SEC24B: variants seen among roughly 807,000 people sequenced by gnomAD.
SEC24B encodes the protein SEC24 homolog B, COPII component.
A neutral mutation model predicts 142.8 loss-of-function variants in SEC24B; 45 were observed. The ratio of observed to expected loss-of-function variants is 0.32; its 90% CI spans 0.25 to 0.40. The LOEUF (loss-of-function observed/expected upper bound fraction) is 0.40. SEC24B is among the 10% of genes least tolerant of loss of function. The pLI is 1.00. For missense variants in SEC24B, 1,409 were observed against 1,526.8 expected (o/e 0.92, Z 1.29); for synonymous variants, 574 against 568.2 (o/e 1.01, Z -0.15).
chr4:109,512,151 T>G, intron 9 of SEC24B, 68 bp downstream of exon 9: 1 of 1,356,194 alleles, frequency 7.4e-7, no homozygotes, highest in Non-Finnish European at 1.0e-6. Context: ...ATTTTTGTCA[T>G]CTCCTGGTTT....
intron 4 of SEC24B, among the ~76,000 whole-genome samples, chr4:109,482,967 T>TACACAC (rs1432755826): frequency 5.0e-5 from 3 of 59,912 alleles, no homozygotes; most frequent in African/African-American, 3.1e-4. Context: ...TATATATATA[T>TACACAC]ATATATATAT....
At chr4:109,464,103 T>C (rs1257767769) in intron 2 of SEC24B, among the ~76,000 whole-genome samples, 1 of 152,176 alleles carries the variant, frequency 6.6e-6, no homozygotes, top group Non-Finnish European at 1.5e-5. Context: ...TTAGTGACTT[T>C]TGCAGAAGAC....
intron 17 of SEC24B, among the ~76,000 whole-genome samples, chr4:109,526,722 A>G (rs1300099174): frequency 6.6e-6 from 1 of 152,154 alleles, no homozygotes; most frequent in Non-Finnish European, 1.5e-5. Context: ...TAAGGCCTTC[A>G]TTTGTTACTT....
At chr4:109,445,967 C>CT (rs34601695) in intron 1 of SEC24B, among the ~76,000 whole-genome samples, 5,994 of 130,908 alleles carry the variant, frequency 0.046, 287 homozygotes, top group Admixed American at 0.12. Context: ...TTCTAAGATG[C>CT]TTTTTTTTTT....
At chr4:109,467,566 T>C (rs1314376162) in intron 2 of SEC24B, among the ~76,000 whole-genome samples, 1 of 152,112 alleles carries the variant, frequency 6.6e-6, no homozygotes, top group East Asian at 1.9e-4. Flanking sequence ...GTTGCCTGAG[T>C]GTGACTTGGG....
At chr4:109,494,053 T>G (rs150917596) in intron 5 of SEC24B, among the ~76,000 whole-genome samples, 2 of 152,326 alleles carry the variant, frequency 1.3e-5, no homozygotes, top group East Asian at 3.9e-4. Context: ...GTTGGCACCC[T>G]TTTTATTGCT....
Position 109,483,309 on chromosome 4 carries a change from G to C in SEC24B, c.1165+1528G>C, listed in dbSNP as rs1734008809. On this transcript the variant is annotated intron_variant, in intron 4 of 23. Coordinates refer to ENST00000265175, the MANE Select transcript of SEC24B (RefSeq NM_006323.5). Reference sequence around the variant, plus strand: ...TTAGCCAGGATGGTCTTGATCTCCTGACCTCATGATCCGCCTGCCTTGGCC... The same window carrying C: ...TTAGCCAGGATGGTCTTGATCTCCTCACCTCATGATCCGCCTGCCTTGGCC... Among the ~76,000 whole-genome samples the C allele has an allele frequency of 1.3e-5, 2 of 150,830 alleles. 1 individual carries two copies. The highest frequency in any genetic ancestry group is 4.2e-4 in the South Asian group (2 of 4,746).
chr4:109,536,594 A>G lies in SEC24B; in HGVS notation c.3589-1899A>G, dbSNP rs192453880. Among the ~76,000 whole-genome samples the G allele has an allele frequency of 9.4e-4, 143 of 152,266 alleles. 5 individuals are homozygous for G. The highest frequency in any genetic ancestry group is 7.9e-4 in the Admixed American group (12 of 15,274). On this transcript the variant is annotated intron_variant, in intron 22 of 23. Transcript: ENST00000265175. ...ACCCAGGCTGGAGTGCAGTGGCGCAATCTTGGCTCACTGCAAGCTCTGCCT... is the reference window on the plus strand; with the variant it reads ...ACCCAGGCTGGAGTGCAGTGGCGCAGTCTTGGCTCACTGCAAGCTCTGCCT...
At chr4:109,435,839 A>G (rs970122313) in intron 1 of SEC24B, among the ~76,000 whole-genome samples, 4 of 152,116 alleles carry the variant, frequency 2.6e-5, no homozygotes, top group Non-Finnish European at 2.9e-5. Context: ...GTATTTGGTA[A>G]TGTTTGAATT....
At chr4:109,534,850 A>T (rs945302173) in intron 22 of SEC24B, among the ~76,000 whole-genome samples, 7 of 152,058 alleles carry the variant, frequency 4.6e-5, no homozygotes, top group South Asian at 4.2e-4. Context: ...AATTAAAAAA[A>T]TTTTTTTTCT....
chr4:109,506,668 T>C (rs1736721794), intron 7 of SEC24B, among the ~76,000 whole-genome samples, 156 bp downstream of exon 7: 1 of 152,196 alleles, frequency 6.6e-6, no homozygotes, highest in Non-Finnish European at 1.5e-5. Flanking sequence ...TTGACTTAGG[T>C]CATCTCTTTT....
intron 11 of SEC24B, among the ~76,000 whole-genome samples, chr4:109,519,301 G>T (rs549501995): frequency 6.6e-6 from 1 of 152,260 alleles, no homozygotes; most frequent in South Asian, 2.1e-4. Context: ...TTGACAACTT[G>T]TAAATTAAAT....
At chr4:109,453,594 C>A (rs1438063576) in intron 1 of SEC24B, among the ~76,000 whole-genome samples, 1 of 152,088 alleles carries the variant, frequency 6.6e-6, no homozygotes, top group Non-Finnish European at 1.5e-5. Flanking sequence ...GGTTATCTCC[C>A]TTGTTCCTGA....
intron 2 of SEC24B, among the ~76,000 whole-genome samples, chr4:109,464,520 C>T (rs2125936422): frequency 6.6e-6 from 1 of 152,272 alleles, no homozygotes; most frequent in African/African-American, 2.4e-5. Context: ...GTGCCTGGCC[C>T]AATGTGGCTT....
At chr4:109,448,447 A>G (rs1479227553) in intron 1 of SEC24B, among the ~76,000 whole-genome samples, 1 of 152,174 alleles carries the variant, frequency 6.6e-6, no homozygotes, top group Non-Finnish European at 1.5e-5. Context: ...AAGTGTTGCA[A>G]AGATATACAG....
chr4:109,434,886 G>C (rs1354345234), intron 1 of SEC24B, among the ~76,000 whole-genome samples: 1 of 152,226 alleles, frequency 6.6e-6, no homozygotes, highest in African/African-American at 2.4e-5. Flanking sequence ...GCTGCAAAAT[G>C]ATGGATATGC....
chr4:109,435,270 T>A (rs1268033676), intron 1 of SEC24B, among the ~76,000 whole-genome samples: 1 of 152,234 alleles, frequency 6.6e-6, no homozygotes, highest in African/African-American at 2.4e-5. Context: ...TGCTGTACTC[T>A]CAGTAGTCAT....
chr4:109,516,307 G>A (rs1294633590), intron 10 of SEC24B, among the ~76,000 whole-genome samples: 1 of 152,128 alleles, frequency 6.6e-6, no homozygotes, highest in Non-Finnish European at 1.5e-5. Context: ...CTATTTAACT[G>A]TGGCTGTGTA....
At chr4:109,479,678 T>A (rs1478444290) in intron 3 of SEC24B, among the ~76,000 whole-genome samples, 1 of 152,108 alleles carries the variant, frequency 6.6e-6, no homozygotes, top group Non-Finnish European at 1.5e-5. Flanking sequence ...CAAGTGATAC[T>A]CCTGCCTGAG....
Sources: allele counts gnomAD v4.1 joint callset (sites outside exome capture counted in the v4.1 genomes callset), GRCh38; gene constraint gnomAD v4.1.1; transcripts MANE v1.5; gene names NCBI Gene and HGNC (gene_info 2026-07-23, HGNC 2026-07-21).